The following NDE1 variants were observed in gnomAD, a reference collection of about 807,000 sequenced individuals.
NDE1 encodes the protein nuclear distribution protein nudE homolog 1.
Under a neutral mutation model 43.4 loss-of-function variants are expected in NDE1, and 28 were observed. The ratio of observed to expected loss-of-function variants is 0.65; its 90% CI spans 0.48 to 0.89. NDE1 has a LOEUF of 0.89. NDE1 is among the 40% of genes least tolerant of loss of function. The pLI, the probability that NDE1 is intolerant of heterozygous loss-of-function variation, is 0.00. For missense variants in NDE1, 441 were observed against 434.1 expected (o/e 1.02, Z -0.14); for synonymous variants, 184 against 172.0 (o/e 1.07, Z -0.55).
chr16:15,659,425 CTT>C (rs35091023), intron 1 of NDE1, among the ~76,000 whole-genome samples: 3 of 58,892 alleles, frequency 5.1e-5, no homozygotes, highest in Admixed American at 2.7e-4. Flanking sequence ...TGCACACAAT[CTT>C]TTTTTTTTTT....
intron 5 of NDE1, among the ~76,000 whole-genome samples, chr16:15,689,777 T>C (rs2038634374): frequency 6.6e-6 from 1 of 151,858 alleles, no homozygotes; most frequent in Non-Finnish European, 1.5e-5. Flanking sequence ...CTGTGTCTAC[T>C]AAAAATACAA....
intron 8 of NDE1, chr16:15,719,287 C>A (rs755050373): frequency 6.2e-7 from 1 of 1,612,434 alleles, no homozygotes; most frequent in South Asian, 1.1e-5. Flanking sequence ...TGTTTGCGAG[C>A]CCTCTCAGCG....
intron 8 of NDE1, among the ~76,000 whole-genome samples, chr16:15,715,449 C>T (rs914026172): frequency 1.3e-5 from 2 of 152,176 alleles, no homozygotes; most frequent in African/African-American, 4.8e-5. Flanking sequence ...AGTATCAATG[C>T]ATGCCACAGC....
intron 8 of NDE1, chr16:15,721,740 C>T (rs1217791952): frequency 2.6e-6 from 3 of 1,154,002 alleles, no homozygotes; most frequent in East Asian, 2.4e-5. Context: ...TATTGAGGTG[C>T]AGGTGTAAGC....
At chr16:15,712,559 G>A (rs2039863664) in intron 8 of NDE1, among the ~76,000 whole-genome samples, 1 of 152,056 alleles carries the variant, frequency 6.6e-6, no homozygotes, top group Admixed American at 6.6e-5. Context: ...TAGTGCTACT[G>A]CACTCCAGCC....
chr16:15,711,629 G>T (rs1596684601), intron 8 of NDE1, among the ~76,000 whole-genome samples: 3 of 152,304 alleles, frequency 2.0e-5, no homozygotes, highest in African/African-American at 7.2e-5. Flanking sequence ...GTATGAGAAT[G>T]AAGCGGGGAA....
At chr16:15,676,225 G>GTTTT (rs34293989) in intron 3 of NDE1, among the ~76,000 whole-genome samples, 4 of 118,932 alleles carry the variant, frequency 3.4e-5, no homozygotes, top group African/African-American at 6.3e-5. Flanking sequence ...TGTTTTTCTG[G>GTTTT]TTTTTTTTTT....
chr16:15,665,644 C>T (rs1049519250), intron 2 of NDE1, among the ~76,000 whole-genome samples: 18 of 151,704 alleles, frequency 1.2e-4, no homozygotes, highest in Admixed American at 1.1e-3. Flanking sequence ...GGGGTTTTGC[C>T]ATGCTGGTCA....
chr16:15,654,614 A>C (rs1296714148), intron 1 of NDE1, among the ~76,000 whole-genome samples: 8 of 148,856 alleles, frequency 5.4e-5, no homozygotes, highest in Admixed American at 1.4e-4. Context: ...AAAAAAAAAA[A>C]AACAAAAAAA....
At chr16:15,679,054 GT>G (rs1240258704) in intron 4 of NDE1, among the ~76,000 whole-genome samples, 1 of 152,122 alleles carries the variant, frequency 6.6e-6, no homozygotes, top group Non-Finnish European at 1.5e-5. Context: ...TCCAGCCTGG[GT>G]GACAGAGCTA....
intron 2 of NDE1, among the ~76,000 whole-genome samples, chr16:15,665,273 T>TG (rs2037245310): frequency 6.6e-6 from 1 of 151,930 alleles, no homozygotes; most frequent in African/African-American, 2.4e-5. Flanking sequence ...AAACTGCCTG[T>TG]GAAAAAACTA....
chr16:15,720,476 G>A (rs984153120), intron 8 of NDE1, among the ~76,000 whole-genome samples: 2 of 152,060 alleles, frequency 1.3e-5, no homozygotes, highest in Admixed American at 1.3e-4. Flanking sequence ...CCGGGCGTGG[G>A]TGGCTCATGT....
chr16:15,659,418 A>C (rs2036931438), intron 1 of NDE1, among the ~76,000 whole-genome samples: 2 of 141,698 alleles, frequency 1.4e-5, no homozygotes, highest in Admixed American at 7.3e-5. Flanking sequence ...GGGACCTTGC[A>C]CACAATCTTT....
intron 8 of NDE1, among the ~76,000 whole-genome samples, chr16:15,722,195 G>A (rs989117117): frequency 4.6e-5 from 7 of 152,042 alleles, no homozygotes; most frequent in East Asian, 1.9e-4. Context: ...ACCTGCCCAC[G>A]TTGCTTAGAG....
At chr16:15,665,617 G>A (rs1354750970) in intron 2 of NDE1, among the ~76,000 whole-genome samples, 4 of 151,212 alleles carry the variant, frequency 2.6e-5, no homozygotes, top group African/African-American at 9.7e-5. Context: ...CTAATTTTTT[G>A]TGTTTTTAGC....
At chr16:15,665,209 A>G (rs1270696195) in intron 2 of NDE1, among the ~76,000 whole-genome samples, 1 of 151,968 alleles carries the variant, frequency 6.6e-6, no homozygotes, top group Admixed American at 6.6e-5. Context: ...GCAACCATTT[A>G]TTGCAGGCCT....
At chr16:15,677,373 G>C (rs1264411309) in intron 3 of NDE1, among the ~76,000 whole-genome samples, 1 of 151,998 alleles carries the variant, frequency 6.6e-6, no homozygotes, top group African/African-American at 2.4e-5. Context: ...CACTTGAGGT[G>C]TCAGGAGTTC....
chr16:15,655,984 TG>T (rs2036744452), intron 1 of NDE1, among the ~76,000 whole-genome samples: 1 of 64,386 alleles, frequency 1.6e-5, no homozygotes, highest in African/African-American at 6.5e-5. Flanking sequence ...TGTTGTGGGG[TG>T]GGGGGAGGGG....
Position 15,699,496 on chromosome 16 carries a change from AG to A in NDE1, c.947+2638del, listed in dbSNP as rs2039152639. Reference sequence around the variant, plus strand: ...GTAGGCTGTAAAACAAACAAACAATAGGTAAGAGATGGATTTTTCTAGTGGG... The same window carrying A: ...GTAGGCTGTAAAACAAACAAACAATAGTAAGAGATGGATTTTTCTAGTGGG... On this transcript the variant is annotated intron_variant, in intron 8 of 8. Coordinates refer to ENST00000396354, the MANE Select transcript of NDE1 (RefSeq NM_017668.3). 2.7e-6 allele frequency: 3 copies of A among 1,110,836 alleles called. No individual in the cohort carries two copies. The East Asian group carries it at 2.0e-4, about 73-fold the overall frequency. The allele number at this position is 1,110,836 out of a possible 1,614,324, so 68.8% of individuals were successfully genotyped here. A position where few individuals can be genotyped will look rare whatever the true frequency, so the allele number is the denominator to read the frequency against.
Sources: allele counts gnomAD v4.1 joint callset (sites outside exome capture counted in the v4.1 genomes callset), GRCh38; gene constraint gnomAD v4.1.1; transcripts MANE v1.5; gene names NCBI Gene and HGNC (gene_info 2026-07-23, HGNC 2026-07-21).